The following NR1D1 variants were observed in gnomAD, a reference collection of about 807,000 sequenced individuals.
NR1D1 encodes nuclear receptor subfamily 1 group D member 1.
A neutral mutation model predicts 51.1 loss-of-function variants in NR1D1; 17 were observed. That is an observed-to-expected ratio of 0.33 (90% CI 0.23 to 0.50). The LOEUF (loss-of-function observed/expected upper bound fraction) is 0.50. Among genes scored for constraint, NR1D1 ranks in the 20% least tolerant of loss-of-function variants. The pLI is 0.98. For missense variants in NR1D1, 647 were observed against 830.4 expected, an observed-to-expected ratio of 0.78 and a Z score of 2.71; for synonymous variants, 341 against 333.4, an observed-to-expected ratio of 1.02 and a Z score of -0.25.
At chr17:40,094,766 C>T (rs1217498292) in intron 6 of NR1D1, among the ~76,000 whole-genome samples, 169 bp downstream of exon 6, 3 of 152,208 alleles carry the variant, frequency 2.0e-5, no homozygotes, top group Admixed American at 6.5e-5. Context: ...AGCGTGGTGG[C>T]GGGAACCTGT....
chr17:40,093,128 G>A lies in NR1D1; in HGVS notation c.1800C>T (p.Asn600=), dbSNP rs746674703. Residue 600 remains asparagine (N), a synonymous_variant, in exon 8 of 8, where the codon AAC becomes AAT. Transcript: ENST00000246672. This position sits in a 1 kb window ranked among gnomAD's most constrained non-coding sequence, Gnocchi z 5.9. ...LKLPDLRTLN[N]MHSEKLLSFR... ...AGGACAGCAGCTTCTCGGAATGCATGTTGTTCAGGGTCCGCAGGTCCGGCA... is the reference window on the plus strand; with the variant it reads ...AGGACAGCAGCTTCTCGGAATGCATATTGTTCAGGGTCCGCAGGTCCGGCA... The A allele has an allele frequency of 6.2e-7, 1 of 1,614,120 alleles. No individual in the cohort carries two copies. Among genetic ancestry groups the A allele is most frequent in the Non-Finnish European group, 8.5e-7 (1 of 1,180,030 alleles).
In NR1D1 at chr17:40,096,708, C is replaced by T; in HGVS notation, c.442G>A (p.Ala148Thr). The change falls in exon 3 of 8, where the codon GCC becomes ACC. Residue 148 changes from alanine (A) to threonine (T), a missense_variant. Coordinates refer to ENST00000246672, the MANE Select transcript of NR1D1 (RefSeq NM_021724.5). ...CGCCTCACCTTGCAGCCCTCGCAGG[C>T]GTGCACACCGTAGTGGAAGCCCGAG... ...VASGFHYGVH[A>T]CEGCKGFFRR... 1 of 1,614,198 alleles carries T rather than the reference C, an allele frequency of 6.2e-7. No individual in the cohort carries two copies. Among genetic ancestry groups the T allele is most frequent in the Non-Finnish European group, 8.5e-7 (1 of 1,180,030 alleles).
In NR1D1 at chr17:40,093,113, C is replaced by T; in HGVS notation, c.1815G>A (p.Lys605=). 1 of 1,614,138 alleles carries T rather than the reference C, an allele frequency of 6.2e-7. No individual in the cohort carries two copies. The highest frequency in any genetic ancestry group is 8.5e-7 in the Non-Finnish European group (1 of 1,180,038). The stretch of plus-strand genomic sequence containing the variant: ...GGGCGTCCACCCGGAAGGACAGCAG[C>T]TTCTCGGAATGCATGTTGTTCAGGG... The part of the protein sequence containing the change: ...LRTLNNMHSE[K]LLSFRVDAQ Residue 605 remains lysine, a synonymous_variant, in exon 8 of 8, where the codon AAG becomes AAA. Transcript: ENST00000246672. The surrounding 1 kb of genome is among the most constrained non-coding windows in gnomAD (Gnocchi z 5.9).
intron 5 of NR1D1, 68 bp downstream of exon 5, chr17:40,095,376 T>C: frequency 2.7e-6 from 4 of 1,504,360 alleles, no homozygotes; most frequent in Admixed American, 2.3e-5. Context: ...CCAGCTGCCC[T>C]ACACTAAGTC....
chr17:40,093,048 A>C lies in NR1D1; in HGVS notation c.*35T>G. 6.2e-7 allele frequency: 1 copy of C among 1,614,124 alleles called. No homozygotes were observed. Among genetic ancestry groups the C allele is most frequent in the Non-Finnish European group, 8.5e-7 (1 of 1,180,012 alleles). ...AGAGAAGTGCAGAGTTCGATTCTGT[A>C]CAAGGGGGCAGCGGCAGAAGGCCGG... On this transcript the variant is annotated 3_prime_UTR_variant, in exon 8 of 8. Transcript: ENST00000246672. The surrounding 1 kb of genome is among the most constrained non-coding windows in gnomAD (Gnocchi z 5.9).
chr17:40,095,016 T>A lies in NR1D1; in HGVS notation c.1353A>T (p.Val451=). ...MSFTPAVREV[V]EFAKHIPGFR... ...AGCCCGGGATGTGTTTGGCAAACTC[T>A]ACCACCTCCCGCACAGCGGGCGTGA... is the stretch of plus-strand genomic sequence containing the variant. The change falls in exon 6 of 8, where the codon GTA becomes GTT. Residue 451 remains valine (V), a synonymous_variant. Transcript: ENST00000246672. The A allele has an allele frequency of 3.1e-6, 5 of 1,614,158 alleles. No individual in the cohort carries two copies. In the South Asian group the frequency reaches 5.5e-5, roughly 18 times the overall value.
chr17:40,093,738 T>C lies in NR1D1; in HGVS notation c.1645+174A>G. On this transcript the variant is annotated intron_variant, in intron 7 of 7. Coordinates refer to ENST00000246672, the MANE Select transcript of NR1D1 (RefSeq NM_021724.5). This position sits in a 1 kb window ranked among gnomAD's most constrained non-coding sequence, Gnocchi z 5.9. ...GCTTCTACTGTGACACTTATCTCAC[T>C]GTTTTATAATTAGTCGGGCATGAGT... 7.7e-6 allele frequency: 5 copies of C among 648,560 alleles called. No homozygotes were observed. Among genetic ancestry groups the C allele is most frequent in the Non-Finnish European group, 1.3e-5 (5 of 378,646 alleles). The allele number at this position is 648,560 out of a possible 1,614,324, so 40.2% of individuals were successfully genotyped here. A position where few individuals can be genotyped will look rare whatever the true frequency, so the allele number is the denominator to read the frequency against.
At chr17:40,094,630 G>A (rs532005857) in intron 6 of NR1D1, among the ~76,000 whole-genome samples, 1 of 152,388 alleles carries the variant, frequency 6.6e-6, no homozygotes, top group East Asian at 1.9e-4. Flanking sequence ...GGGTGCAATG[G>A]CTCACGCCTG....
chr17:40,099,978 C>A, intron 1 of NR1D1, 86 bp downstream of exon 1: 1 of 1,009,396 alleles, frequency 9.9e-7, no homozygotes, highest in South Asian at 1.3e-5. Context: ...ACCCCAGTCC[C>A]TTACAAAGTT....
At chr17:40,094,871 C>T in intron 6 of NR1D1, 64 bp downstream of exon 6, 1 of 1,533,930 alleles carries the variant, frequency 6.5e-7, no homozygotes. Flanking sequence ...GCACTCCAGC[C>T]TGGGCGACAA....
chr17:40,096,065 G>A lies in NR1D1; in HGVS notation c.627C>T (p.Pro209=), dbSNP rs775231875. 1 of 1,612,700 alleles carries A rather than the reference G, an allele frequency of 6.2e-7. No individual in the cohort carries two copies. The change falls in exon 5 of 8, where the codon CCC becomes CCT. Residue 209 remains proline (P), a synonymous_variant. Transcript: ENST00000246672. The part of the protein sequence containing the change: ...SRDAVRFGRI[P]KREKQRMLAE... ...CAAGCATCCGCTGCTTCTCTCGTTT[G>A]GGGATGCGCCCAAAACGCACAGCTG...
At chr17:40,099,229 G>A (rs1987826761) in intron 1 of NR1D1, among the ~76,000 whole-genome samples, 1 of 152,232 alleles carries the variant, frequency 6.6e-6, no homozygotes, top group Non-Finnish European at 1.5e-5. Context: ...ATCGAGAGCA[G>A]TCGCCCCGCC....
chr17:40,100,031 A>C, intron 1 of NR1D1, 33 bp downstream of exon 1: 1 of 1,524,420 alleles, frequency 6.6e-7, no homozygotes, highest in Non-Finnish European at 9.1e-7. Flanking sequence ...AGACAGTGAC[A>C]GGGAAAAGAT....
chr17:40,092,936 T>C lies in NR1D1; in HGVS notation c.*147A>G, dbSNP rs1987639136. The C allele has an allele frequency of 6.6e-7, 1 of 1,526,084 alleles. No homozygotes were observed. The allele number at this position is 1,526,084 out of a possible 1,614,324, so 94.5% of individuals were successfully genotyped here. A position where few individuals can be genotyped will look rare whatever the true frequency, so the allele number is the denominator to read the frequency against. On this transcript the variant is annotated 3_prime_UTR_variant, in exon 8 of 8. Coordinates refer to ENST00000246672, the MANE Select transcript of NR1D1 (RefSeq NM_021724.5). The stretch of plus-strand genomic sequence containing the variant: ...GGGAGGCAGGTATTTACAAGAAGGC[T>C]CAGGGGGCCAGAGGCTCATCTTGGA...
At chr17:40,099,325 G>A (rs1052161328) in intron 1 of NR1D1, among the ~76,000 whole-genome samples, 1 of 152,242 alleles carries the variant, frequency 6.6e-6, no homozygotes, top group African/African-American at 2.4e-5. Flanking sequence ...AGGAGAGAAG[G>A]GAACACGCGT....
chr17:40,098,348 T>A (rs552936696), intron 1 of NR1D1, among the ~76,000 whole-genome samples: 2 of 152,320 alleles, frequency 1.3e-5, no homozygotes, highest in Admixed American at 1.3e-4. Flanking sequence ...GGCACATGTC[T>A]TGCTCACCCA....
chr17:40,096,614 A>T, intron 3 of NR1D1, 27 bp from the exon 4 acceptor site: 2 of 1,613,180 alleles, frequency 1.2e-6, no homozygotes, highest in Non-Finnish European at 1.7e-6. Flanking sequence ...GTTAGTGACC[A>T]CCTCCATCAT....
Position 40,096,061 on chromosome 17 carries a change from G to C in NR1D1, c.631C>G (p.Arg211Gly). 6.2e-7 allele frequency: 1 copy of C among 1,612,726 alleles called. No homozygotes were observed. Among genetic ancestry groups the C allele is most frequent in the Non-Finnish European group, 8.5e-7 (1 of 1,179,966 alleles). ...DAVRFGRIPK[R>G]EKQRMLAEMQ... ...TCAGCAAGCATCCGCTGCTTCTCTC[G>C]TTTGGGGATGCGCCCAAAACGCACA... Residue 211 changes from arginine (R) to glycine (G), a missense_variant, in exon 5 of 8, where the codon CGA becomes GGA. By Grantham distance (125) the Arg-to-Gly change is moderately radical. Coordinates refer to ENST00000246672, the MANE Select transcript of NR1D1 (RefSeq NM_021724.5).
chr17:40,093,585 C>T lies in NR1D1; in HGVS notation c.1646-303G>A. On this transcript the variant is annotated intron_variant, in intron 7 of 7. Transcript: ENST00000246672. The surrounding 1 kb of genome is among the most constrained non-coding windows in gnomAD (Gnocchi z 5.9). Reference sequence around the variant, plus strand: ...GCTTTTTGCTGTGTAGTTCCCTCTGCCTGGGATGCCCTTCCCCCTTTCTCT... The same window carrying T: ...GCTTTTTGCTGTGTAGTTCCCTCTGTCTGGGATGCCCTTCCCCCTTTCTCT... 1.2e-6 allele frequency: 1 copy of T among 815,434 alleles called. No homozygotes were observed. The highest frequency in any genetic ancestry group is 1.9e-6 in the Non-Finnish European group (1 of 534,314). 50.5% of individuals were successfully genotyped at this position (815,434 alleles called of 1,614,324 possible). A position where few individuals can be genotyped will look rare whatever the true frequency, so the allele number is the denominator to read the frequency against.
Sources: allele counts gnomAD v4.1 joint callset (sites outside exome capture counted in the v4.1 genomes callset), GRCh38; gene constraint gnomAD v4.1.1; non-coding constraint Gnocchi (gnomAD v3.1); transcripts MANE v1.5; gene names NCBI Gene and HGNC (gene_info 2026-07-23, HGNC 2026-07-21).